Variants in SSBP2 observed in about 807,000 individuals in gnomAD.
The protein encoded by SSBP2 is single-stranded DNA-binding protein 2.
In SSBP2, 17 loss-of-function variants were observed where a neutral mutation model predicts 61.8. That is an observed-to-expected ratio of 0.28 (90% CI 0.19 to 0.41). SSBP2 has a LOEUF of 0.41. Among genes scored for constraint, SSBP2 ranks in the 10% least tolerant of loss-of-function variants. The pLI, the probability that SSBP2 is intolerant of heterozygous loss-of-function variation, is 1.00. For missense variants in SSBP2, 310 were observed against 458.7 expected, an observed-to-expected ratio of 0.68 and a Z score of 2.96; for synonymous variants, 139 against 141.3, an observed-to-expected ratio of 0.98 and a Z score of 0.12.
intron 4 of SSBP2, among the ~76,000 whole-genome samples, chr5:81,523,828 A>C (rs746061884): frequency 1.1e-4 from 17 of 152,046 alleles, no homozygotes; most frequent in Non-Finnish European, 2.2e-4. Context: ...ATACTTAATA[A>C]AATAACCTTA....
intron 2 of SSBP2, among the ~76,000 whole-genome samples, chr5:81,649,413 A>T (rs545245529): frequency 6.6e-6 from 1 of 152,106 alleles, no homozygotes; most frequent in Admixed American, 6.6e-5. Flanking sequence ...AAGATGGGGT[A>T]CATATACACC....
intron 5 of SSBP2, among the ~76,000 whole-genome samples, 193 bp downstream of exon 5, chr5:81,513,435 T>C (rs1401486360): frequency 6.6e-6 from 1 of 152,124 alleles, no homozygotes; most frequent in South Asian, 2.1e-4. Flanking sequence ...AGTAAATAAA[T>C]ACATAATCTA....
chr5:81,718,580 A>G (rs1000279489), intron 1 of SSBP2, among the ~76,000 whole-genome samples: 1 of 152,162 alleles, frequency 6.6e-6, no homozygotes, highest in Non-Finnish European at 1.5e-5. Flanking sequence ...AGAGATTAGG[A>G]AGTTGGTGGG....
chr5:81,416,111 G>A lies in SSBP2; in HGVS notation c.*4393C>T, dbSNP rs1490912733. ...GCATGCCTGTAATCCAGCTACTCTG[G>A]AGGCTGAGGCAGGAGAATCTCTGGA... On this transcript the variant is annotated 3_prime_UTR_variant, in exon 17 of 17. Transcript: ENST00000320672. 1 of 151,256 alleles carries A rather than the reference G, an allele frequency of 6.6e-6. No homozygotes were observed. The highest frequency in any genetic ancestry group is 1.5e-5 in the Non-Finnish European group (1 of 68,042). The allele number at this position is 151,256 out of a possible 1,614,324, so 9.4% of individuals were successfully genotyped here.
chr5:81,746,996 TA>T (rs1456062457), intron 1 of SSBP2, among the ~76,000 whole-genome samples: 7 of 118,526 alleles, frequency 5.9e-5, no homozygotes, highest in Admixed American at 2.2e-4. Context: ...TGTTTAACTT[TA>T]AAACAAGCAA....
chr5:81,620,018 C>G (rs370346281), intron 3 of SSBP2, among the ~76,000 whole-genome samples: 2 of 74,460 alleles, frequency 2.7e-5, no homozygotes, highest in South Asian at 5.5e-4. Context: ...GCAAAAACTG[C>G]AAGCATTCCC....
At chr5:81,583,308 A>G (rs374802020) in intron 4 of SSBP2, among the ~76,000 whole-genome samples, 1 of 152,104 alleles carries the variant, frequency 6.6e-6, no homozygotes, top group Non-Finnish European at 1.5e-5. Flanking sequence ...GGTTCCACCC[A>G]CATGTATGCC....
intron 4 of SSBP2, among the ~76,000 whole-genome samples, chr5:81,547,512 G>A (rs1308464012): frequency 6.6e-6 from 1 of 152,150 alleles, no homozygotes; most frequent in African/African-American, 2.4e-5. Context: ...TGTTGCCCAG[G>A]CTGGAGTGCA....
At chr5:81,454,619 T>A (rs1764005666) in intron 10 of SSBP2, among the ~76,000 whole-genome samples, 1 of 151,828 alleles carries the variant, frequency 6.6e-6, no homozygotes, top group Admixed American at 6.6e-5. Context: ...AGATGGAGGT[T>A]GCAGTGAGCC....
intron 3 of SSBP2, among the ~76,000 whole-genome samples, chr5:81,616,774 C>G (rs1325542959): frequency 6.6e-6 from 1 of 151,420 alleles, no homozygotes; most frequent in Admixed American, 6.6e-5. Context: ...CAGACTGCCT[C>G]CTCAAGTGGG....
chr5:81,519,989 CTTTTT>C lies in SSBP2; in HGVS notation c.283-6277_283-6273del, dbSNP rs889340422. On this transcript the variant is annotated intron_variant, in intron 4 of 16. Transcript: ENST00000320672. ...TAAATTAGTAGCTATTTTCCCCCCT[CTTTTT>C]TTTTTTTTGAGATGGAGTCTCACTC... Among the ~76,000 whole-genome samples, 34 of 143,480 alleles carry C rather than the reference CTTTTT, an allele frequency of 2.4e-4. 1 individual carries two copies. Among genetic ancestry groups the C allele is most frequent in the Admixed American group, 2.0e-3 (29 of 14,420 alleles). 94.1% of individuals were successfully genotyped at this position (143,480 alleles called of 152,430 possible). A position where few individuals can be genotyped will look rare whatever the true frequency, so the allele number is the denominator to read the frequency against.
At chr5:81,616,742 C>T (rs1746092994) in intron 3 of SSBP2, among the ~76,000 whole-genome samples, 1 of 150,402 alleles carries the variant, frequency 6.6e-6, no homozygotes, top group South Asian at 2.1e-4. Flanking sequence ...TCCCAGCACG[C>T]AGCTGGAGAT....
chr5:81,538,804 C>T (rs1380277133), intron 4 of SSBP2, among the ~76,000 whole-genome samples: 5 of 152,120 alleles, frequency 3.3e-5, no homozygotes, highest in Admixed American at 1.3e-4. Flanking sequence ...AATGGTTTAC[C>T]GAATATTTGA....
At chr5:81,696,128 T>C (rs1356127612) in intron 1 of SSBP2, among the ~76,000 whole-genome samples, 1 of 152,218 alleles carries the variant, frequency 6.6e-6, no homozygotes, top group African/African-American at 2.4e-5. Context: ...TCCTGTTCCC[T>C]ACATGCCACT....
rs1321625773 is a variant in SSBP2 at position 81,653,142 on chromosome 5, C to T, written c.63-2803G>A. Among the ~76,000 whole-genome samples, 6 of 152,098 alleles carry T rather than the reference C, an allele frequency of 3.9e-5. No individual in the cohort carries two copies. In the East Asian group the frequency reaches 1.2e-3, roughly 29 times the overall value. ...GCCCCAGTGTGTGATGTTCCCCTCC[C>T]TGTGTCCATGTGTTCTCATTGTTCA... On this transcript the variant is annotated intron_variant, in intron 1 of 16. Coordinates refer to ENST00000320672, the MANE Select transcript of SSBP2 (RefSeq NM_012446.5).
intron 1 of SSBP2, among the ~76,000 whole-genome samples, chr5:81,672,460 G>C (rs1415020897): frequency 6.6e-6 from 1 of 152,010 alleles, no homozygotes; most frequent in Non-Finnish European, 1.5e-5. Context: ...TGTTTAAGAT[G>C]ATCTCCACAT....
chr5:81,503,212 T>C (rs1767927844), intron 5 of SSBP2, among the ~76,000 whole-genome samples: 1 of 152,126 alleles, frequency 6.6e-6, no homozygotes, highest in African/African-American at 2.4e-5. Flanking sequence ...TCCAGCACTT[T>C]TGGAGACTGA....
At chr5:81,454,183 G>A (rs1397544486) in intron 10 of SSBP2, among the ~76,000 whole-genome samples, 1 of 152,200 alleles carries the variant, frequency 6.6e-6, no homozygotes, top group Non-Finnish European at 1.5e-5. Flanking sequence ...TGGAGACTGA[G>A]GAAGGGTTGA....
At position 81,526,681 on chromosome 5, in the gene SSBP2, T is replaced by C. The variant is rs377738954; in HGVS notation, c.283-12964A>G. On this transcript the variant is annotated intron_variant, in intron 4 of 16. Coordinates refer to ENST00000320672, the MANE Select transcript of SSBP2 (RefSeq NM_012446.5). ...AATCAACCTTTTGAATTCATTATTT[T>C]CATTAATTAATGCAAGCTTTTTAAT... 3.3e-5 allele frequency among the ~76,000 whole-genome samples: 5 copies of C among 152,152 alleles called. No homozygotes were observed. The South Asian group carries it at 1.0e-3, about 32-fold the overall frequency.
Sources: allele counts gnomAD v4.1 joint callset (sites outside exome capture counted in the v4.1 genomes callset), GRCh38; gene constraint gnomAD v4.1.1; transcripts MANE v1.5; gene names NCBI Gene and HGNC (gene_info 2026-07-23, HGNC 2026-07-21).